TCTN2: variants seen among roughly 807,000 people sequenced by gnomAD.
The protein encoded by TCTN2 is tectonic-2.
TCTN2 carries 66 observed loss-of-function variants against 83.4 expected under a neutral mutation model. The ratio of observed to expected loss-of-function variants is 0.79; its 90% CI spans 0.65 to 0.97. The LOEUF is 0.97. Ranked by LOEUF, TCTN2 falls within the 50% of genes least tolerant of loss-of-function variation. The pLI is 0.00. For synonymous variants in TCTN2, 301 were observed against 326.7 expected (o/e 0.92, Z 0.85); for missense variants, 794 against 858.1 (o/e 0.93, Z 0.93).
chr12:123,683,742 G>A (rs1955928781), intron 5 of TCTN2, among the ~76,000 whole-genome samples: 1 of 152,032 alleles, frequency 6.6e-6, no homozygotes, highest in Admixed American at 6.6e-5. Flanking sequence ...AGGTTCAAGC[G>A]ATTCTCCTGC....
chr12:123,697,015 A>G, intron 12 of TCTN2, 72 bp from the exon 13 acceptor site: 1 of 1,226,604 alleles, frequency 8.2e-7, no homozygotes, highest in Non-Finnish European at 1.2e-6. Context: ...TCTGTTTTTC[A>G]CGGAAAACTG....
chr12:123,678,810 T>G (rs1955856948), intron 4 of TCTN2, among the ~76,000 whole-genome samples: 2 of 152,146 alleles, frequency 1.3e-5, no homozygotes, highest in Non-Finnish European at 2.9e-5. Flanking sequence ...TTGCTTTTTT[T>G]TTTTTGACAC....
rs772204895 is a variant in TCTN2, at chr12:123,690,644, A to C, written c.1003A>C (p.Asn335His). ...ATACCAAGAACGAGATGGTATTATCAATGCGAAGATAAAGAATGTTGCCTT... is the reference window on the plus strand; with the variant it reads ...ATACCAAGAACGAGATGGTATTATCCATGCGAAGATAAAGAATGTTGCCTT... ...ELYQERDGII[N>H]AKIKNVALGG... The change falls in exon 8 of 18, where the codon AAT (asparagine) becomes CAT (histidine). Residue 335 changes from asparagine to histidine, a missense_variant. Physicochemically the swap from Asn to His is moderately conservative, Grantham distance 68. Transcript: ENST00000303372. 1 of 1,614,216 alleles carries C rather than the reference A, an allele frequency of 6.2e-7. No homozygotes were observed. The highest frequency in any genetic ancestry group is 2.2e-5 in the East Asian group (1 of 44,888).
Position 123,686,948 on chromosome 12 carries a change from G to C in TCTN2, c.677G>C (p.Arg226Pro). The change falls in exon 6 of 18, where the codon CGT (arginine) becomes CCT (proline). Residue 226 changes from arginine (R) to proline (P), a missense_variant. By Grantham distance (103) the Arg-to-Pro change is moderately radical. Coordinates refer to ENST00000303372, the MANE Select transcript of TCTN2 (RefSeq NM_024809.5). ...DQLCSAGTTT[R>P]GVPDWFPFLC... ...CTCTGCTCTGCTGGGACGACGACAC[G>C]TGGTGTCCCCGATTGGTTTCCCTTT... 6.2e-7 allele frequency: 1 copy of C among 1,614,192 alleles called. No homozygotes were observed. Among genetic ancestry groups the C allele is most frequent in the Non-Finnish European group, 8.5e-7 (1 of 1,180,042 alleles).
intron 4 of TCTN2, among the ~76,000 whole-genome samples, chr12:123,677,525 G>C (rs190508020): frequency 6.6e-6 from 1 of 152,154 alleles, no homozygotes; most frequent in Non-Finnish European, 1.5e-5. Context: ...ACTGTCACTG[G>C]ATTCTGAGTT....
Position 123,706,996 on chromosome 12 carries a change from A to G in TCTN2, c.1907A>G (p.Asn636Ser), listed in dbSNP as rs1246014246. ...AAAATGTTTTCTAGATTCCAGATCAATTATACAGAGTATGACTGCAACAGA... is the reference window on the plus strand; with the variant it reads ...AAAATGTTTTCTAGATTCCAGATCAGTTATACAGAGTATGACTGCAACAGA... Reference protein sequence around the residue: ...LPHPLTRFQINYTEYDCNRNE... With the variant: ...LPHPLTRFQISYTEYDCNRNE... Residue 636 changes from asparagine (N) to serine (S), a missense_variant, in exon 17 of 18, where the codon AAT (asparagine) becomes AGT (serine). Transcript: ENST00000303372. 6.2e-7 allele frequency: 1 copy of G among 1,614,014 alleles called. No homozygotes were observed. The highest frequency in any genetic ancestry group is 1.7e-5 in the Admixed American group (1 of 59,990).
At chr12:123,693,322 G>A (rs1956067924) in intron 9 of TCTN2, among the ~76,000 whole-genome samples, 2 of 147,456 alleles carry the variant, frequency 1.4e-5, no homozygotes, top group Admixed American at 6.8e-5. Flanking sequence ...CACCGCGCCC[G>A]ACCAGTTAAA....
intron 10 of TCTN2, 91 bp from the exon 11 acceptor site, chr12:123,695,129 C>G (rs1286260708): frequency 7.1e-7 from 1 of 1,407,030 alleles, no homozygotes; most frequent in Non-Finnish European, 1.0e-6. Flanking sequence ...CTTTGTATGA[C>G]AAAATGCAAT....
intron 9 of TCTN2, among the ~76,000 whole-genome samples, chr12:123,694,535 C>T (rs1464454370): frequency 6.6e-6 from 1 of 152,232 alleles, no homozygotes; most frequent in African/African-American, 2.4e-5. Context: ...TCTTTCATCT[C>T]ACAAACATTT....
chr12:123,683,537 T>C (rs991334822), intron 5 of TCTN2, among the ~76,000 whole-genome samples: 9 of 152,098 alleles, frequency 5.9e-5, no homozygotes, highest in African/African-American at 2.2e-4. Flanking sequence ...CACCTTGACT[T>C]CCCAAAGTGC....
At chr12:123,679,393 G>A in intron 5 of TCTN2, 104 bp downstream of exon 5, 1 of 1,059,808 alleles carries the variant, frequency 9.4e-7, no homozygotes. Context: ...ATAGGGTCTT[G>A]CTCTGTCACC....
chr12:123,689,281 T>G (rs908430451), intron 7 of TCTN2, among the ~76,000 whole-genome samples: 1 of 151,782 alleles, frequency 6.6e-6, no homozygotes, highest in Non-Finnish European at 1.5e-5. Context: ...CTTTTTAACT[T>G]CTGGGCTGAA....
At chr12:123,690,121 A>G (rs1956024046) in intron 7 of TCTN2, among the ~76,000 whole-genome samples, 1 of 152,176 alleles carries the variant, frequency 6.6e-6, no homozygotes, top group African/African-American at 2.4e-5. Context: ...TTTAAGTTCA[A>G]CATTATGAGG....
At chr12:123,686,182 G>A (rs1486861016) in intron 5 of TCTN2, among the ~76,000 whole-genome samples, 1 of 152,076 alleles carries the variant, frequency 6.6e-6, no homozygotes, top group Admixed American at 6.6e-5. Flanking sequence ...GAGTAGCTGG[G>A]ATTACAGGTG....
rs1266854374 is a variant in TCTN2 at position 123,690,786 on chromosome 12, T to C, written c.1033+112T>C. ...GTTCAACTTCAAATAATATTTGAACTGCCAATTATTTTCTTTGGAAAAAGT... is the reference window on the plus strand; with the variant it reads ...GTTCAACTTCAAATAATATTTGAACCGCCAATTATTTTCTTTGGAAAAAGT... On this transcript the variant is annotated intron_variant, in intron 8 of 17. Transcript: ENST00000303372. 3 of 1,319,122 alleles carry C rather than the reference T, an allele frequency of 2.3e-6. No individual in the cohort carries two copies. The African/African-American group carries it at 4.4e-5, about 19-fold the overall frequency. The allele number at this position is 1,319,122 out of a possible 1,614,324, so 81.7% of individuals were successfully genotyped here. A position where few individuals can be genotyped will look rare whatever the true frequency, so the allele number is the denominator to read the frequency against.
chr12:123,673,758 A>C lies in TCTN2; in HGVS notation c.411A>C (p.Leu137=). 6.2e-7 allele frequency: 1 copy of C among 1,614,094 alleles called. No individual in the cohort carries two copies. Among genetic ancestry groups the C allele is most frequent in the East Asian group, 2.2e-5 (1 of 44,882 alleles). The part of the protein sequence containing the change: ...ASHNSSCSAH[L]LIQVEIYANS... ...ATAATTCATCCTGTTCAGCACATCT[A>C]CTCATTCAAGTGGAAATTTATGCCA... Residue 137 remains leucine (L), a synonymous_variant, in exon 4 of 18, where the codon CTA becomes CTC. Transcript: ENST00000303372.
rs771060074 is a variant in TCTN2, at chr12:123,673,791, T to C, written c.444T>C (p.Ser148=). 11 of 1,614,208 alleles carry C rather than the reference T, an allele frequency of 6.8e-6. No homozygotes were observed. In the East Asian group the frequency reaches 2.2e-4, roughly 33 times the overall value. The stretch of plus-strand genomic sequence containing the variant: ...AAGTGGAAATTTATGCCAACTCTTC[T>C]CTGACCCATAATGCCTCAGGCAAGT... The part of the protein sequence containing the change: ...LIQVEIYANS[S]LTHNASENVT... The change falls in exon 4 of 18, where the codon TCT becomes TCC. Residue 148 remains serine (S), a synonymous_variant. Transcript: ENST00000303372.
intron 15 of TCTN2, among the ~76,000 whole-genome samples, chr12:123,706,512 C>T (rs1956231415): frequency 6.6e-6 from 1 of 152,176 alleles, no homozygotes; most frequent in African/African-American, 2.4e-5. Flanking sequence ...GCGACAGGCC[C>T]ATGAGGGGTT....
chr12:123,688,437 G>A (rs1216404963), intron 7 of TCTN2, among the ~76,000 whole-genome samples: 1 of 151,864 alleles, frequency 6.6e-6, no homozygotes, highest in African/African-American at 2.4e-5. Context: ...GGATGATCTC[G>A]ATCTCTTGAC....
Sources: gnomAD v4.1 joint callset for allele counts (sites outside exome capture counted in the v4.1 genomes callset) on GRCh38, gnomAD v4.1.1 for gene constraint, MANE v1.5 for transcripts, NCBI Gene and HGNC (gene_info 2026-07-23, HGNC 2026-07-21) for gene names.